Variants in PSG3 observed in about 807,000 individuals in gnomAD.
The protein encoded by PSG3 is pregnancy specific beta-1-glycoprotein 3, also known as pregnancy-specific beta-1-glycoprotein 3.
PSG3 carries 61 observed loss-of-function variants against 47.5 expected under a neutral mutation model. The ratio of observed to expected loss-of-function variants is 1.28; its 90% CI spans 1.05 to 1.59. PSG3 has a LOEUF of 1.59. Among genes scored for constraint, PSG3 ranks in the 40% most tolerant of loss-of-function variants. The pLI, the probability that PSG3 is intolerant of heterozygous loss-of-function variation, is 0.00. For synonymous variants in PSG3, 263 were observed against 198.4 expected (o/e 1.33, Z -2.74); for missense variants, 756 against 524.0 (o/e 1.44, Z -4.32).
rs560870571 is a variant in PSG3, at chr19:42,728,533, G to A, written c.1243+590C>T. On this transcript the variant is annotated intron_variant, in intron 5 of 6. Coordinates refer to ENST00000327495, the MANE Select transcript of PSG3 (RefSeq NM_021016.4). ...CCCGGGGGAGGCTTGGCTTCAACTG[G>A]CAACTCGATTTAGCCAAATTCAGGA... Among the ~76,000 whole-genome samples, 7 of 152,262 alleles carry A rather than the reference G, an allele frequency of 4.6e-5. No homozygotes were observed. In the South Asian group the frequency reaches 1.2e-3, roughly 27 times the overall value.
intron 5 of PSG3, among the ~76,000 whole-genome samples, chr19:42,726,886 C>T (rs1255275362): frequency 6.6e-6 from 1 of 152,196 alleles, no homozygotes; most frequent in East Asian, 1.9e-4. Context: ...TCAGCATTTA[C>T]TACAAAGCCC....
At chr19:42,730,653 T>G (rs565470771) in intron 3 of PSG3, among the ~76,000 whole-genome samples, 1,727 of 152,204 alleles carry the variant, frequency 0.011, 18 homozygotes, top group Middle Eastern at 0.027. Flanking sequence ...GTGGGGCAGT[T>G]TTTTGCAGGT....
At chr19:42,728,433 G>T (rs747920190) in intron 5 of PSG3, among the ~76,000 whole-genome samples, 9 of 152,168 alleles carry the variant, frequency 5.9e-5, no homozygotes, top group Non-Finnish European at 1.2e-4. Flanking sequence ...TCATACAGCC[G>T]GTGACTTCAG....
Position 42,733,081 on chromosome 19 carries a change from G to C in PSG3, c.431-19C>G. On this transcript the variant is annotated intron_variant, in intron 2 of 6. Coordinates refer to ENST00000327495, the MANE Select transcript of PSG3 (RefSeq NM_021016.4). ...GTCTCCACTGTGCAGAAAACAGAGA[G>C]AAGATTGCCCTGTGTGGCACCTTTG... The C allele has an allele frequency of 6.2e-7, 1 of 1,610,974 alleles. No homozygotes were observed. The highest frequency in any genetic ancestry group is 8.5e-7 in the Non-Finnish European group (1 of 1,178,136).
chr19:42,731,392 G>A (rs1969471127), intron 3 of PSG3, among the ~76,000 whole-genome samples: 1 of 152,160 alleles, frequency 6.6e-6, no homozygotes, highest in Non-Finnish European at 1.5e-5. Flanking sequence ...AGTGGGAGGT[G>A]ATAAGCCAAA....
chr19:42,735,074 A>T (rs536275763), intron 2 of PSG3, among the ~76,000 whole-genome samples: 27 of 152,356 alleles, frequency 1.8e-4, no homozygotes, highest in African/African-American at 6.3e-4. Flanking sequence ...AAGCCATCAG[A>T]TAGCACCCAC....
chr19:42,737,160 CG>C (rs1186779036), intron 2 of PSG3, among the ~76,000 whole-genome samples: 3 of 152,040 alleles, frequency 2.0e-5, no homozygotes, highest in South Asian at 2.1e-4. Context: ...GAGAACCCTC[CG>C]GTGGCCAAAG....
chr19:42,737,779 C>T (rs1029275955), intron 2 of PSG3, among the ~76,000 whole-genome samples: 18 of 152,146 alleles, frequency 1.2e-4, no homozygotes, highest in African/African-American at 4.3e-4. Flanking sequence ...GTTTGTGTGA[C>T]TCTGGTTCAG....
chr19:42,737,772 T>G (rs147652924), intron 2 of PSG3, among the ~76,000 whole-genome samples: 3,896 of 152,228 alleles, frequency 0.026, 144 homozygotes, highest in African/African-American at 0.087. Context: ...CCTTTGTGTT[T>G]GTGTGACTCT....
In PSG3 at chr19:42,740,350, C is replaced by G; in HGVS notation, c.35G>C (p.Arg12Pro). Residue 12 changes from arginine (R) to proline (P), a missense_variant, in exon 1 of 7, where the codon CGC becomes CCC. Transcript: ENST00000327495. ...GAGCAGGAGCCCCTTCCAGGTGATGCGCTGTGTGCAGGGAGGGGCTGAGAG... is the reference window on the plus strand; with the variant it reads ...GAGCAGGAGCCCCTTCCAGGTGATGGGCTGTGTGCAGGGAGGGGCTGAGAG... ...GPLSAPPCTQRITWKGLLLTA... is the reference protein window; with the variant it reads ...GPLSAPPCTQPITWKGLLLTA... 6.2e-7 allele frequency: 1 copy of G among 1,610,476 alleles called. No individual in the cohort carries two copies. Among genetic ancestry groups the G allele is most frequent in the Non-Finnish European group, 8.5e-7 (1 of 1,177,688 alleles).
chr19:42,731,211 G>C (rs1400907401), intron 3 of PSG3, among the ~76,000 whole-genome samples: 1 of 152,212 alleles, frequency 6.6e-6, no homozygotes, highest in Non-Finnish European at 1.5e-5. Context: ...CACACAGATT[G>C]AGTATTTCTT....
chr19:42,735,588 C>T (rs1188385419), intron 2 of PSG3, among the ~76,000 whole-genome samples: 1 of 152,222 alleles, frequency 6.6e-6, no homozygotes, highest in Admixed American at 6.5e-5. Context: ...GGATGGTCTC[C>T]ATCTCCTGAC....
Position 42,738,654 on chromosome 19 carries a change from C to T in PSG3, c.430+70G>A, listed in dbSNP as rs866642314. The T allele has an allele frequency of 1.5e-5, 24 of 1,611,940 alleles. 1 individual carries two copies. The Middle Eastern group carries it at 4.0e-3, about 267-fold the overall frequency. ...AGAGGGACACAGGCACAATCCAGGC[C>T]TGACAATCCTTTGTGTGTGAAGTAA... On this transcript the variant is annotated intron_variant, in intron 2 of 6. Coordinates refer to ENST00000327495, the MANE Select transcript of PSG3 (RefSeq NM_021016.4).
chr19:42,729,451 A>G, intron 4 of PSG3, 74 bp from the exon 5 acceptor site: 2 of 1,550,772 alleles, frequency 1.3e-6, no homozygotes, highest in Non-Finnish European at 1.7e-6. Flanking sequence ...TTAAAGGGAC[A>G]CAGTGACCCT....
chr19:42,731,305 G>A (rs944502137), intron 3 of PSG3, among the ~76,000 whole-genome samples: 54 of 152,324 alleles, frequency 3.5e-4, no homozygotes, highest in African/African-American at 1.2e-3. Flanking sequence ...TACTGGTTTA[G>A]CATCCCAAAT....
intron 5 of PSG3, among the ~76,000 whole-genome samples, chr19:42,724,985 T>C (rs1452320907): frequency 6.6e-6 from 1 of 152,126 alleles, no homozygotes; most frequent in Non-Finnish European, 1.5e-5. Flanking sequence ...AATAACCCTG[T>C]GAGGTAGACA....
intron 6 of PSG3, among the ~76,000 whole-genome samples, chr19:42,722,395 T>C (rs1969312750): frequency 6.6e-6 from 1 of 152,062 alleles, no homozygotes; most frequent in Non-Finnish European, 1.5e-5. Context: ...GGACTACAGG[T>C]GCCTGCCACC....
intron 2 of PSG3, chr19:42,733,558 G>C (rs1969512238): frequency 6.0e-6 from 1 of 165,386 alleles, no homozygotes; most frequent in African/African-American, 2.4e-5. Context: ...GCCTGACCTG[G>C]GACTGGGTAC....
intron 5 of PSG3, 136 bp from the exon 6 acceptor site, chr19:42,724,161 A>C: frequency 1.4e-6 from 2 of 1,390,498 alleles, no homozygotes; most frequent in Non-Finnish European, 9.7e-7. Flanking sequence ...TGGAAAATTG[A>C]TAGGAGATGA....
Sources: allele counts gnomAD v4.1 joint callset (sites outside exome capture counted in the v4.1 genomes callset), GRCh38; gene constraint gnomAD v4.1.1; transcripts MANE v1.5; gene names NCBI Gene and HGNC (gene_info 2026-07-23, HGNC 2026-07-21).